DYNC1I1: variants seen among roughly 807,000 people sequenced by gnomAD.
DYNC1I1 encodes cytoplasmic dynein 1 intermediate chain 1.
Under a neutral mutation model 86.6 loss-of-function variants are expected in DYNC1I1, and 43 were observed. The ratio of observed to expected loss-of-function variants is 0.50; its 90% CI spans 0.39 to 0.64. The LOEUF (loss-of-function observed/expected upper bound fraction) is 0.64. Among genes scored for constraint, DYNC1I1 ranks in the 30% least tolerant of loss-of-function variants. The pLI is 0.00. For synonymous variants in DYNC1I1, 262 were observed against 283.7 expected (o/e 0.92, Z 0.77); for missense variants, 604 against 788.8 (o/e 0.77, Z 2.81).
chr7:95,909,844 A>C (rs1791282324), intron 6 of DYNC1I1, among the ~76,000 whole-genome samples: 1 of 152,106 alleles, frequency 6.6e-6, no homozygotes, highest in Admixed American at 6.5e-5. Flanking sequence ...GATCAGTCCA[A>C]ACTCCTTGCT....
At chr7:96,064,450 G>T (rs1222398253) in intron 14 of DYNC1I1, among the ~76,000 whole-genome samples, 2 of 152,036 alleles carry the variant, frequency 1.3e-5, no homozygotes, top group Non-Finnish European at 2.9e-5. Flanking sequence ...CTTTCATTAC[G>T]ATTTTTCATA....
chr7:95,773,808 C>T (rs1025396179), intron 1 of DYNC1I1, among the ~76,000 whole-genome samples: 5 of 152,108 alleles, frequency 3.3e-5, no homozygotes, highest in South Asian at 4.1e-4. Flanking sequence ...GACAACCCAA[C>T]GCCTGATGTT....
intron 1 of DYNC1I1, among the ~76,000 whole-genome samples, chr7:95,783,702 C>A (rs555880635): frequency 6.6e-6 from 1 of 152,168 alleles, no homozygotes; most frequent in Non-Finnish European, 1.5e-5. Flanking sequence ...CTTCATCCTC[C>A]TCTTTTGTTT....
At chr7:95,836,679 T>C (rs1009363390) in intron 5 of DYNC1I1, among the ~76,000 whole-genome samples, 22 of 152,120 alleles carry the variant, frequency 1.4e-4, no homozygotes, top group Non-Finnish European at 3.2e-4. Flanking sequence ...TTTTATTCTT[T>C]TTTCTCTAAT....
chr7:95,920,231 A>G (rs187921542), intron 6 of DYNC1I1, among the ~76,000 whole-genome samples: 58 of 152,258 alleles, frequency 3.8e-4, no homozygotes, highest in African/African-American at 1.4e-3. Context: ...ATGGCACTTT[A>G]CTTCTGTAGT....
At chr7:95,816,007 CTT>C (rs1397306196) in intron 4 of DYNC1I1, among the ~76,000 whole-genome samples, 1 of 128,308 alleles carries the variant, frequency 7.8e-6, no homozygotes, top group Non-Finnish European at 1.6e-5. Context: ...AAAAATCCCT[CTT>C]ATTGATTTTT....
intron 7 of DYNC1I1, among the ~76,000 whole-genome samples, chr7:95,980,378 C>T (rs547613582): frequency 5.9e-5 from 9 of 151,540 alleles, no homozygotes; most frequent in Non-Finnish European, 8.8e-5. Flanking sequence ...ATAATCGTGG[C>T]GCCATTCACA....
chr7:95,919,344 G>T (rs1298040377), intron 6 of DYNC1I1, among the ~76,000 whole-genome samples: 1 of 152,256 alleles, frequency 6.6e-6, no homozygotes, highest in Middle Eastern at 3.4e-3. Flanking sequence ...CTAGAAATAT[G>T]CTATGCTAAT....
At position 95,822,958 on chromosome 7, in the gene DYNC1I1, G is replaced by A. The variant is rs116442238; in HGVS notation, c.315-5099G>A. Among the ~76,000 whole-genome samples the A allele has an allele frequency of 2.7e-3, 405 of 152,244 alleles. 1 individual carries two copies. Among genetic ancestry groups the A allele is most frequent in the African/African-American group, 9.6e-3 (397 of 41,562 alleles). ...GGAAAGATAAGGTCATGGTGGGGGAGGGCAGGGGAAGCTGTCGTAGTTAAA... is the reference window on the plus strand; with the variant it reads ...GGAAAGATAAGGTCATGGTGGGGGAAGGCAGGGGAAGCTGTCGTAGTTAAA... On this transcript the variant is annotated intron_variant, in intron 4 of 16. Coordinates refer to ENST00000447467, the MANE Select transcript of DYNC1I1 (RefSeq NM_001135556.2).
chr7:95,842,761 G>T (rs1015942586), intron 5 of DYNC1I1, among the ~76,000 whole-genome samples: 1 of 152,190 alleles, frequency 6.6e-6, no homozygotes. Context: ...CTCAGAGGAT[G>T]TCGATTCATG....
chr7:95,853,755 C>A (rs3886067), intron 5 of DYNC1I1, among the ~76,000 whole-genome samples: 1 of 152,028 alleles, frequency 6.6e-6, no homozygotes, highest in Non-Finnish European at 1.5e-5. Flanking sequence ...ATGTCCCCTA[C>A]GATTATTTTA....
In DYNC1I1 at chr7:95,784,784, G is replaced by A. The variant is rs367750248; in HGVS notation, c.-10+12011G>A. The stretch of plus-strand genomic sequence containing the variant: ...AAGCATGTCACCTCCTGTGAACATT[G>A]TCTGTAAACAGACTTATCAGTGAGA... On this transcript the variant is annotated intron_variant, in intron 1 of 16. Transcript: ENST00000447467. 3.3e-5 allele frequency among the ~76,000 whole-genome samples: 5 copies of A among 152,332 alleles called. No individual in the cohort carries two copies. In the East Asian group the frequency reaches 7.7e-4, roughly 23 times the overall value.
At chr7:95,835,740 C>G (rs1222741382) in intron 5 of DYNC1I1, among the ~76,000 whole-genome samples, 1 of 151,804 alleles carries the variant, frequency 6.6e-6, no homozygotes, top group African/African-American at 2.4e-5. Flanking sequence ...CCTTCTTTGT[C>G]TCTTTTGATC....
intron 12 of DYNC1I1, among the ~76,000 whole-genome samples, chr7:96,033,445 C>T (rs1253185497): frequency 6.6e-6 from 1 of 152,156 alleles, no homozygotes; most frequent in Non-Finnish European, 1.5e-5. Context: ...TGTAGACAAA[C>T]ACACAAGACA....
At chr7:95,842,294 A>G (rs1789306503) in intron 5 of DYNC1I1, among the ~76,000 whole-genome samples, 2 of 152,136 alleles carry the variant, frequency 1.3e-5, no homozygotes, top group Non-Finnish European at 2.9e-5. Flanking sequence ...GGCTTGATTA[A>G]TTTTTATACC....
chr7:95,922,307 G>A (rs1319752161), intron 6 of DYNC1I1, among the ~76,000 whole-genome samples: 5 of 152,074 alleles, frequency 3.3e-5, no homozygotes, highest in African/African-American at 1.2e-4. Context: ...TCTAGAGTGA[G>A]TAACCCTTGT....
intron 6 of DYNC1I1, among the ~76,000 whole-genome samples, chr7:95,926,026 G>C (rs1562945808): frequency 6.6e-6 from 1 of 152,140 alleles, no homozygotes; most frequent in African/African-American, 2.4e-5. Flanking sequence ...ATAATGCCCA[G>C]GGTTGGCAAG....
chr7:95,925,365 T>C (rs548464290), intron 6 of DYNC1I1, among the ~76,000 whole-genome samples: 1 of 152,330 alleles, frequency 6.6e-6, no homozygotes, highest in East Asian at 1.9e-4. Context: ...CCCAGCCCTG[T>C]TGGAAATGAT....
intron 4 of DYNC1I1, among the ~76,000 whole-genome samples, chr7:95,824,503 AG>A (rs1795162552): frequency 6.6e-6 from 1 of 152,244 alleles, no homozygotes; most frequent in South Asian, 2.1e-4. Context: ...TATAGTAAAC[AG>A]GGTGATTTCT....
Sources: gnomAD v4.1 joint callset for allele counts (sites outside exome capture counted in the v4.1 genomes callset) on GRCh38, gnomAD v4.1.1 for gene constraint, MANE v1.5 for transcripts, NCBI Gene and HGNC (gene_info 2026-07-23, HGNC 2026-07-21) for gene names.